The following TOX3 variants were observed in gnomAD, a reference collection of about 807,000 sequenced individuals.
TOX3 encodes TOX high mobility group box family member 3, also known as CAG trinucleotide repeat-containing gene F9 protein.
In TOX3, 22 loss-of-function variants were observed where a neutral mutation model predicts 64.3. That is an observed-to-expected ratio of 0.34 (90% CI 0.24 to 0.49). TOX3 has a LOEUF of 0.49. TOX3 is among the 20% of genes least tolerant of loss of function. The pLI, the probability that TOX3 is intolerant of heterozygous loss-of-function variation, is 0.99. For missense variants in TOX3, 661 were observed against 714.4 expected (o/e 0.93, Z 0.85); for synonymous variants, 291 against 273.6 (o/e 1.06, Z -0.63).
chr16:52,544,058 G>C (rs987974241), intron 1 of TOX3, among the ~76,000 whole-genome samples: 2 of 152,052 alleles, frequency 1.3e-5, no homozygotes, highest in Admixed American at 6.6e-5. Context: ...ACAAGAGAGG[G>C]AAGAAACATA....
chr16:52,483,618 G>A (rs910604835), intron 1 of TOX3, among the ~76,000 whole-genome samples: 1 of 139,212 alleles, frequency 7.2e-6, no homozygotes, highest in Non-Finnish European at 1.5e-5. Flanking sequence ...GCCCAGGCTG[G>A]AGTGCAGTGG....
intron 1 of TOX3, among the ~76,000 whole-genome samples, chr16:52,469,453 G>A (rs1960972447): frequency 6.6e-6 from 1 of 152,196 alleles, no homozygotes. Context: ...GGCTCTGTGA[G>A]TATAATAATC....
intron 5 of TOX3, chr16:52,445,172 TC>T (rs1288325318): frequency 6.6e-6 from 1 of 152,228 alleles, no homozygotes; most frequent in Non-Finnish European, 1.5e-5. Context: ...TGTTGCACCT[TC>T]CCAACAAAAC....
chr16:52,443,613 A>G (rs1265034272), intron 6 of TOX3, among the ~76,000 whole-genome samples: 1 of 152,162 alleles, frequency 6.6e-6, no homozygotes, highest in African/African-American at 2.4e-5. Context: ...CCTTTCCAAA[A>G]CCTCTAAAAT....
Position 52,440,748 on chromosome 16 carries a change from C to CTTTTTTTTTTTTTTTTTTTTTTTTTTTT in TOX3, c.988-781_988-780insAAAAAAAAAAAAAAAAAAAAAAAAAAAA, listed in dbSNP as rs1425662404. 3.4e-5 allele frequency among the ~76,000 whole-genome samples: 3 copies of CTTTTTTTTTTTTTTTTTTTTTTTTTTTT among 89,456 alleles called. 1 individual carries two copies. The highest frequency in any genetic ancestry group is 2.3e-5 in the Non-Finnish European group (1 of 42,776). 58.7% of individuals were successfully genotyped at this position (89,456 alleles called of 152,430 possible). Reference sequence around the variant, plus strand: ...ATTGGGTTATATGGTATTTTTCTTTCTTTCTTTTTTTTTTTTTTTTTTTTT... The same window carrying CTTTTTTTTTTTTTTTTTTTTTTTTTTTT: ...ATTGGGTTATATGGTATTTTTCTTTCTTTTTTTTTTTTTTTTTTTTTTTTTTTTTTTCTTTTTTTTTTTTTTTTTTTTT... On this transcript the variant is annotated intron_variant, in intron 6 of 6. Transcript: ENST00000219746.
In TOX3 at chr16:52,542,855, C is replaced by T. The variant is rs528740616; in HGVS notation, c.87+3782G>A. ...AAGAAGATTGACAAATGACAAATTACCCTGCAGTTTCTTTTGCCCTTCAAG... is the reference window on the plus strand; with the variant it reads ...AAGAAGATTGACAAATGACAAATTATCCTGCAGTTTCTTTTGCCCTTCAAG... On this transcript the variant is annotated intron_variant, in intron 1 of 6. Transcript: ENST00000219746. 3.5e-3 allele frequency among the ~76,000 whole-genome samples: 534 copies of T among 152,312 alleles called. 4 individuals carry two copies. Among genetic ancestry groups the T allele is most frequent in the African/African-American group, 0.011 (473 of 41,552 alleles).
chr16:52,497,896 T>C (rs9928129), intron 1 of TOX3, among the ~76,000 whole-genome samples: 2,226 of 152,296 alleles, frequency 0.015, 54 homozygotes, highest in African/African-American at 0.05. Flanking sequence ...TCAACATTAT[T>C]CAGCAACTGA....
intron 3 of TOX3, among the ~76,000 whole-genome samples, chr16:52,452,641 G>A (rs1316123324): frequency 6.6e-6 from 1 of 150,642 alleles, no homozygotes; most frequent in Non-Finnish European, 1.5e-5. Flanking sequence ...TAACAAACCT[G>A]CACATTGTGC....
At chr16:52,477,255 G>T (rs962618766) in intron 1 of TOX3, among the ~76,000 whole-genome samples, 1 of 152,178 alleles carries the variant, frequency 6.6e-6, no homozygotes. Flanking sequence ...AAGGAAGAAA[G>T]CTGGAGGAGA....
At chr16:52,472,842 A>C (rs1961087351) in intron 1 of TOX3, among the ~76,000 whole-genome samples, 1 of 152,192 alleles carries the variant, frequency 6.6e-6, no homozygotes, top group Admixed American at 6.5e-5. Flanking sequence ...TTCCATGCTG[A>C]TAGGCTCTAA....
At chr16:52,491,762 C>T (rs1397415541) in intron 1 of TOX3, among the ~76,000 whole-genome samples, 3 of 152,114 alleles carry the variant, frequency 2.0e-5, no homozygotes, top group African/African-American at 4.8e-5. Flanking sequence ...GAAATGACCC[C>T]CTGAGGTCAT....
At chr16:52,529,102 G>A (rs918838552) in intron 1 of TOX3, among the ~76,000 whole-genome samples, 1 of 152,160 alleles carries the variant, frequency 6.6e-6, no homozygotes, top group East Asian at 1.9e-4. Context: ...ATTATGTCAG[G>A]AGGTCAACTT....
At chr16:52,508,774 T>C (rs1173217243) in intron 1 of TOX3, among the ~76,000 whole-genome samples, 3 of 152,156 alleles carry the variant, frequency 2.0e-5, no homozygotes, top group South Asian at 4.2e-4. Flanking sequence ...TTCAACAAAG[T>C]TGGATGTTAG....
intron 1 of TOX3, among the ~76,000 whole-genome samples, chr16:52,496,321 T>C (rs1961849009): frequency 6.6e-6 from 1 of 152,226 alleles, no homozygotes; most frequent in Admixed American, 6.5e-5. Context: ...TTGATTGGCA[T>C]ATCATTTGCC....
chr16:52,504,825 TTTTGTTTG>T (rs57996503), intron 1 of TOX3, among the ~76,000 whole-genome samples: 38 of 150,148 alleles, frequency 2.5e-4, no homozygotes, highest in Non-Finnish European at 4.0e-4. Flanking sequence ...AAGAGGGTCT[TTTTGTTTG>T]TTTGTTTGTT....
intron 1 of TOX3, among the ~76,000 whole-genome samples, chr16:52,495,565 A>T (rs1338118577): frequency 6.6e-6 from 1 of 152,198 alleles, no homozygotes; most frequent in Non-Finnish European, 1.5e-5. Flanking sequence ...GCAGACTCTC[A>T]GAGAGGTTTA....
rs555228421 is a variant in TOX3 at position 52,450,791 on chromosome 16, TGGAAGGAAGGAAGGAAGGAAGGAA to T, written c.409-269_409-246del. Among the ~76,000 whole-genome samples the T allele has an allele frequency of 9.8e-3, 1,147 of 116,632 alleles. 12 individuals carry two copies. Among genetic ancestry groups the T allele is most frequent in the African/African-American group, 0.028 (838 of 29,406 alleles). The allele number at this position is 116,632 out of a possible 152,430, so 76.5% of individuals were successfully genotyped here. A position where few individuals can be genotyped will look rare whatever the true frequency, so the allele number is the denominator to read the frequency against. The stretch of plus-strand genomic sequence containing the variant: ...TTCATTATAGAACTGTCAGTGGATG[TGGAAGGAAGGAAGGAAGGAAGGAA>T]GGAAGGAAGGAAGGAAGGAAGGAAG... On this transcript the variant is annotated intron_variant, in intron 3 of 6. Coordinates refer to ENST00000219746, the MANE Select transcript of TOX3 (RefSeq NM_001080430.4).
At chr16:52,503,132 T>A (rs577179894) in intron 1 of TOX3, among the ~76,000 whole-genome samples, 10 of 152,354 alleles carry the variant, frequency 6.6e-5, no homozygotes, top group Middle Eastern at 3.4e-3. Context: ...TACCTTTTTT[T>A]AAAAGATGAT....
intron 1 of TOX3, among the ~76,000 whole-genome samples, chr16:52,535,658 T>C (rs1186983278): frequency 6.6e-6 from 1 of 152,216 alleles, no homozygotes; most frequent in Non-Finnish European, 1.5e-5. Context: ...TGAACCCTAA[T>C]GTACCCTCTT....
Sources: gnomAD v4.1 joint callset for allele counts (sites outside exome capture counted in the v4.1 genomes callset) on GRCh38, gnomAD v4.1.1 for gene constraint, MANE v1.5 for transcripts, NCBI Gene and HGNC (gene_info 2026-07-23, HGNC 2026-07-21) for gene names.